RABGEF1: variants seen among roughly 807,000 people sequenced by gnomAD.
RABGEF1 encodes rab5 GDP/GTP exchange factor.
A neutral mutation model predicts 57.3 loss-of-function variants in RABGEF1; 26 were observed. The ratio of observed to expected loss-of-function variants is 0.45; its 90% confidence interval spans 0.33 to 0.63. RABGEF1 has a LOEUF of 0.63. Ranked by LOEUF, RABGEF1 falls within the 20% of genes least tolerant of loss-of-function variation. The pLI is 0.02. For missense variants in RABGEF1, 464 were observed against 607.6 expected (o/e 0.76, Z 2.48); for synonymous variants, 185 against 210.7 (o/e 0.88, Z 1.06).
At chr7:66,797,282 C>T (rs1282517609) in intron 5 of RABGEF1, 92 bp from the exon 6 acceptor site, 27 of 1,320,216 alleles carry the variant, frequency 2.0e-5, no homozygotes, top group Middle Eastern at 2.8e-4. Context: ...CCAACCTGGG[C>T]GACAGAGCCA....
At chr7:66,746,619 T>G (rs1304778472) in intron 1 of RABGEF1, among the ~76,000 whole-genome samples, 1 of 51,762 alleles carries the variant, frequency 1.9e-5, no homozygotes, top group Non-Finnish European at 4.4e-5. Flanking sequence ...TAATATAACC[T>G]TTTTTTTTTT....
intron 7 of RABGEF1, among the ~76,000 whole-genome samples, chr7:66,804,119 T>C (rs1157365340): frequency 6.6e-6 from 1 of 151,590 alleles, no homozygotes; most frequent in Non-Finnish European, 1.5e-5. Context: ...GATTTTGCTC[T>C]GTTGCCCAGG....
Position 66,810,270 on chromosome 7 carries a change from C to T in RABGEF1, c.*986C>T, listed in dbSNP as rs1393155109. On this transcript the variant is annotated 3_prime_UTR_variant, in exon 9 of 9. Coordinates refer to ENST00000284957, the MANE Select transcript of RABGEF1 (RefSeq NM_014504.3). The stretch of plus-strand genomic sequence containing the variant: ...TGAACCTTTTTCAGGACATTTCAAC[C>T]TCGGGACTATTCATATTAGTGGCCT... The T allele has an allele frequency of 6.6e-6, 1 of 152,182 alleles. No individual in the cohort carries two copies. The highest frequency in any genetic ancestry group is 2.4e-5 in the African/African-American group (1 of 41,442). 9.4% of individuals were successfully genotyped at this position (152,182 alleles called of 1,614,324 possible). A position where few individuals can be genotyped will look rare whatever the true frequency, so the allele number is the denominator to read the frequency against.
intron 1 of RABGEF1, among the ~76,000 whole-genome samples, chr7:66,710,239 ACCCC>A (rs1794618801): frequency 6.6e-6 from 1 of 152,144 alleles, no homozygotes; most frequent in Non-Finnish European, 1.5e-5. Context: ...GCTAAGTATT[ACCCC>A]ATTGATTGGA....
chr7:66,655,128 C>T, the RABGEF1 span, among the ~76,000 whole-genome samples: 1 of 152,244 alleles, frequency 6.6e-6, no homozygotes, highest in Non-Finnish European at 1.5e-5. Context: ...GATCCCCCGT[C>T]GCCCTGGGGG....
At chr7:66,747,363 C>G (rs2129056534) in intron 1 of RABGEF1, among the ~76,000 whole-genome samples, 1 of 152,246 alleles carries the variant, frequency 6.6e-6, no homozygotes, top group East Asian at 1.9e-4. Context: ...TCTGCTGTTT[C>G]ACCCTAAGGA....
intron 1 of RABGEF1, among the ~76,000 whole-genome samples, chr7:66,757,131 A>G (rs768260254): frequency 1.3e-4 from 20 of 152,258 alleles, no homozygotes; most frequent in Non-Finnish European, 7.3e-5. Flanking sequence ...AATGTTTGAC[A>G]CTGTTACAAC....
chr7:66,783,035 A>G (rs1057474685), intron 3 of RABGEF1, among the ~76,000 whole-genome samples: 1 of 152,120 alleles, frequency 6.6e-6, no homozygotes, highest in Non-Finnish European at 1.5e-5. Flanking sequence ...AGGGGAAAGA[A>G]TTGTCTGCCC....
At chr7:66,728,376 G>T (rs1796835554) in intron 2 of RABGEF1, among the ~76,000 whole-genome samples, 1 of 152,126 alleles carries the variant, frequency 6.6e-6, no homozygotes. Flanking sequence ...TGAAATGAAG[G>T]TATCCCCCCT....
At chr7:66,660,355 A>C in the RABGEF1 span, among the ~76,000 whole-genome samples, 1 of 151,506 alleles carries the variant, frequency 6.6e-6, no homozygotes, top group Admixed American at 6.6e-5. Flanking sequence ...CTCAAAAAAA[A>C]AAAAAAGAAA....
At chr7:66,692,621 C>T (rs898045359) in intron 1 of RABGEF1, among the ~76,000 whole-genome samples, 2 of 152,152 alleles carry the variant, frequency 1.3e-5, no homozygotes, top group Non-Finnish European at 2.9e-5. Flanking sequence ...CCGAGCAGTC[C>T]AGCCCCTCCA....
intron 1 of RABGEF1, among the ~76,000 whole-genome samples, chr7:66,768,252 G>A (rs1562817743): frequency 1.3e-5 from 2 of 152,172 alleles, no homozygotes; most frequent in Non-Finnish European, 2.9e-5. Context: ...CTCTTGTAAG[G>A]ATGTTCAATA....
At chr7:66,721,171 G>A (rs62466792) in intron 2 of RABGEF1, among the ~76,000 whole-genome samples, 5,995 of 152,142 alleles carry the variant, frequency 0.039, 164 homozygotes, top group East Asian at 0.085. Flanking sequence ...TGCCGGCCTC[G>A]GCCTCCCAAA....
intron 3 of RABGEF1, among the ~76,000 whole-genome samples, chr7:66,776,965 T>A (rs1382438181): frequency 3.9e-5 from 6 of 152,158 alleles, no homozygotes; most frequent in Non-Finnish European, 8.8e-5. Flanking sequence ...CCTCTCCGAG[T>A]CCTGTCCACA....
In RABGEF1 at chr7:66,767,840, T is replaced by G. The variant is rs763999528; in HGVS notation, c.-17-4043T>G. Among the ~76,000 whole-genome samples the G allele has an allele frequency of 5.3e-5, 8 of 152,334 alleles. No individual in the cohort carries two copies. In the South Asian group the frequency reaches 8.3e-4, roughly 16 times the overall value. On this transcript the variant is annotated intron_variant, in intron 1 of 8. Transcript: ENST00000284957. ...AAATAAATTTCTGTTTTTTATAACC[T>G]ACCCAGTTTATGGTATTTTGTTACT...
At chr7:66,686,499 C>T (rs180823866) in intron 1 of RABGEF1, among the ~76,000 whole-genome samples, 92 of 152,044 alleles carry the variant, frequency 6.1e-4, no homozygotes, top group African/African-American at 2.1e-3. Context: ...TAGTACAGGC[C>T]GAACATTTTG....
At chr7:66,670,894 TACACACACACACACAC>T in the RABGEF1 span, among the ~76,000 whole-genome samples, 7 of 145,674 alleles carry the variant, frequency 4.8e-5, no homozygotes, top group South Asian at 6.6e-4. Context: ...CACATACGTA[TACACACACACACACAC>T]ACACACACAC....
intron 7 of RABGEF1, among the ~76,000 whole-genome samples, chr7:66,804,633 G>C (rs1445153580): frequency 1.3e-5 from 2 of 151,910 alleles, no homozygotes; most frequent in Non-Finnish European, 2.9e-5. Context: ...TACTTTAAAG[G>C]CTGAGGCAAG....
At chr7:66,770,791 G>T (rs1284317654) in intron 1 of RABGEF1, among the ~76,000 whole-genome samples, 1 of 151,190 alleles carries the variant, frequency 6.6e-6, no homozygotes, top group Non-Finnish European at 1.5e-5. Flanking sequence ...GCCTGGGTTT[G>T]TTTTTTTTTA....
Sources: gnomAD v4.1 joint callset for allele counts (sites outside exome capture counted in the v4.1 genomes callset) on GRCh38, gnomAD v4.1.1 for gene constraint, MANE v1.5 for transcripts, NCBI Gene and HGNC (gene_info 2026-07-23, HGNC 2026-07-21) for gene names.